GSAP: variants seen among roughly 807,000 people sequenced by gnomAD.
GSAP encodes the protein gamma-secretase-activating protein.
In GSAP, 118 loss-of-function variants were observed where a neutral mutation model predicts 131.7. The observed-to-expected ratio is 0.90, with a 90% CI of 0.77 to 1.04. GSAP has a LOEUF of 1.04. GSAP is among the 50% of genes least tolerant of loss of function. GSAP has a pLI of 0.00. For missense variants in GSAP, 1,019 were observed against 1,013.2 expected, an observed-to-expected ratio of 1.01 and a Z score of -0.08; for synonymous variants, 381 against 363.4, an observed-to-expected ratio of 1.05 and a Z score of -0.55.
chr7:77,317,954 C>T (rs933600066), intron 26 of GSAP, among the ~76,000 whole-genome samples: 2 of 152,184 alleles, frequency 1.3e-5, no homozygotes, highest in Non-Finnish European at 2.9e-5. Flanking sequence ...TTTTGTACTG[C>T]CATACAGACA....
chr7:77,355,971 T>C (rs78764670), intron 14 of GSAP, among the ~76,000 whole-genome samples: 13,396 of 151,680 alleles, frequency 0.088, 654 homozygotes, highest in African/African-American at 0.13. Context: ...TTTTCTATTT[T>C]TATAGAGATG....
At chr7:77,365,212 G>C (rs930198179) in intron 12 of GSAP, among the ~76,000 whole-genome samples, 3 of 152,140 alleles carry the variant, frequency 2.0e-5, no homozygotes, top group African/African-American at 7.2e-5. Flanking sequence ...GCCTCCCAAA[G>C]AGCTGGGACT....
intron 19 of GSAP, among the ~76,000 whole-genome samples, chr7:77,333,108 A>G (rs1317529810): frequency 6.6e-6 from 1 of 152,166 alleles, no homozygotes; most frequent in Non-Finnish European, 1.5e-5. Context: ...CGGAGGTTGC[A>G]GTGAGCCAAG....
At chr7:77,330,464 G>A in intron 19 of GSAP, 97 bp from the exon 20 acceptor site, 1 of 1,487,746 alleles carries the variant, frequency 6.7e-7, no homozygotes, top group Non-Finnish European at 9.0e-7. Flanking sequence ...CGAGCTCTCA[G>A]GGTCCACATT....
chr7:77,327,217 G>A (rs923219808), intron 22 of GSAP: 2 of 152,272 alleles, frequency 1.3e-5, no homozygotes, highest in Non-Finnish European at 2.9e-5. Flanking sequence ...AGTGCATTAA[G>A]ATAGACTGAC....
At chr7:77,358,568 T>C (rs1218288853) in intron 14 of GSAP, among the ~76,000 whole-genome samples, 1 of 152,220 alleles carries the variant, frequency 6.6e-6, no homozygotes, top group Admixed American at 6.5e-5. Context: ...AACTTTAATG[T>C]TTGAAAACAT....
At chr7:77,336,333 C>A (rs1464667288) in intron 19 of GSAP, among the ~76,000 whole-genome samples, 1 of 152,138 alleles carries the variant, frequency 6.6e-6, no homozygotes, top group African/African-American at 2.4e-5. Context: ...ATGAATAAGA[C>A]CAGCACAGTG....
chr7:77,348,245 AAATG>A (rs1362330743), intron 19 of GSAP, among the ~76,000 whole-genome samples: 2 of 152,230 alleles, frequency 1.3e-5, no homozygotes, highest in African/African-American at 4.8e-5. Flanking sequence ...ACAATAAATA[AAATG>A]AATGGGTGGA....
chr7:77,348,506 G>A (rs1237165339), intron 19 of GSAP, among the ~76,000 whole-genome samples: 5 of 152,044 alleles, frequency 3.3e-5, no homozygotes, highest in South Asian at 2.1e-4. Context: ...GTCCAGGCCC[G>A]GCCTGCCCTT....
chr7:77,326,279 A>G lies in GSAP; in HGVS notation c.1766-6T>C. 6.2e-7 allele frequency: 1 copy of G among 1,608,468 alleles called. No homozygotes were observed. The highest frequency in any genetic ancestry group is 1.1e-5 in the South Asian group (1 of 90,812). On this transcript the variant is annotated splice_region_variant and splice_polypyrimidine_tract_variant and intron_variant, in intron 22 of 30. Coordinates refer to ENST00000257626, the MANE Select transcript of GSAP (RefSeq NM_017439.4). Reference sequence around the variant, plus strand: ...GAGGGGTGTTAATCTTGGCCCTGAAATGAAACAGAGCAATAGTTAGGCTCT... The same window carrying G: ...GAGGGGTGTTAATCTTGGCCCTGAAGTGAAACAGAGCAATAGTTAGGCTCT...
intron 26 of GSAP, among the ~76,000 whole-genome samples, chr7:77,316,989 G>A (rs538056965): frequency 6.6e-6 from 1 of 151,914 alleles, no homozygotes; most frequent in African/African-American, 2.4e-5. Context: ...TCTGACAATC[G>A]TAACTCAAAC....
chr7:77,371,380 C>T (rs969129615), intron 12 of GSAP, among the ~76,000 whole-genome samples: 10 of 151,988 alleles, frequency 6.6e-5, no homozygotes, highest in African/African-American at 2.4e-4. Context: ...CTTAACTGCT[C>T]ATCTTCCCAC....
chr7:77,393,121 C>T (rs892545020), intron 5 of GSAP, among the ~76,000 whole-genome samples: 8 of 151,768 alleles, frequency 5.3e-5, no homozygotes, highest in African/African-American at 1.9e-4. Flanking sequence ...ACCCTGTTTA[C>T]AAAAAAATGG....
In GSAP at chr7:77,314,455, C is replaced by A. The variant is rs773127621; in HGVS notation, c.2124G>T (p.Gln708His). The change falls in exon 27 of 31, where the codon CAG (glutamine) becomes CAT (histidine). Residue 708 changes from glutamine (Q) to histidine (H), a missense_variant. Gln to His is a conservative substitution (Grantham distance 24). Coordinates refer to ENST00000257626, the MANE Select transcript of GSAP (RefSeq NM_017439.4). ...GCAGCAGGTTATGCAAAGGGAGACA[C>A]TGGACCCCGAGGATGGTGTGCAGAG... is the stretch of plus-strand genomic sequence containing the variant. ...FHTLHTILGVQCLPLHNLLHC... is the reference protein window; with the variant it reads ...FHTLHTILGVHCLPLHNLLHC... The A allele has an allele frequency of 5.0e-6, 8 of 1,613,750 alleles. No individual in the cohort carries two copies. In the Admixed American group the frequency reaches 6.7e-5, roughly 13 times the overall value.
At chr7:77,393,807 G>A (rs1006110351) in intron 5 of GSAP, among the ~76,000 whole-genome samples, 1 of 151,554 alleles carries the variant, frequency 6.6e-6, no homozygotes, top group African/African-American at 2.4e-5. Context: ...CCAAGTAGCT[G>A]GGATTACAGG....
chr7:77,360,758 G>A (rs1794414373), intron 14 of GSAP, 66 bp downstream of exon 14: 2 of 836,562 alleles, frequency 2.4e-6, no homozygotes, highest in Non-Finnish European at 4.2e-6. Context: ...TAGTATAGAA[G>A]GCTGAGGTAT....
chr7:77,391,339 CATA>C (rs1462157135), intron 5 of GSAP, among the ~76,000 whole-genome samples: 1 of 152,036 alleles, frequency 6.6e-6, no homozygotes, highest in African/African-American at 2.4e-5. Context: ...ATACTACTAG[CATA>C]ATAAGAGCCA....
chr7:77,320,976 G>A (rs1787561964), intron 25 of GSAP, among the ~76,000 whole-genome samples, 157 bp from the exon 26 acceptor site: 1 of 152,098 alleles, frequency 6.6e-6, no homozygotes, highest in Admixed American at 6.5e-5. Context: ...GTGACCATCG[G>A]CCTAATGCCT....
chr7:77,326,468 C>T (rs1022239704), intron 22 of GSAP, 195 bp from the exon 23 acceptor site: 14 of 479,136 alleles, frequency 2.9e-5, no homozygotes, highest in African/African-American at 2.0e-5. Context: ...AGGGAATGAC[C>T]GAGAAAGAAA....
Sources: gnomAD v4.1 joint callset for allele counts (sites outside exome capture counted in the v4.1 genomes callset) on GRCh38, gnomAD v4.1.1 for gene constraint, MANE v1.5 for transcripts, NCBI Gene and HGNC (gene_info 2026-07-23, HGNC 2026-07-21) for gene names.